Variants in TTC6 observed in about 807,000 individuals in gnomAD.
The protein encoded by TTC6 is tetratricopeptide repeat domain 6, also known as tetratricopeptide repeat protein 6.
Under a neutral mutation model 210.4 loss-of-function variants are expected in TTC6, and 172 were observed. The ratio of observed to expected loss-of-function variants is 0.82; its 90% CI spans 0.72 to 0.93. The LOEUF is 0.93. TTC6 is among the 40% of genes least tolerant of loss of function. The probability of loss-of-function intolerance (pLI) is 0.00; values close to 1 mark genes in which losing one functional copy is unlikely to be tolerated. For missense variants in TTC6, 2,414 were observed against 2,318.1 expected, an observed-to-expected ratio of 1.04 and a Z score of -0.85; for synonymous variants, 804 against 819.6, an observed-to-expected ratio of 0.98 and a Z score of 0.32.
At chr14:37,664,987 G>A (rs1194940240) in intron 1 of TTC6, among the ~76,000 whole-genome samples, 1 of 150,478 alleles carries the variant, frequency 6.6e-6, no homozygotes, top group Non-Finnish European at 1.5e-5. Context: ...TTATTAAAAA[G>A]TCAAAAAACA....
chr14:37,749,367 G>A (rs1404104805), exon 11 of TTC6: 1 of 1,459,252 alleles, frequency 6.9e-7, no homozygotes, highest in Admixed American at 2.7e-5. Flanking sequence ...AGGAAACTGG[G>A]AAAGTTGCAG....
At chr14:37,708,173 T>A (rs997332485) in intron 5 of TTC6, among the ~76,000 whole-genome samples, 1 of 151,964 alleles carries the variant, frequency 6.6e-6, no homozygotes. Flanking sequence ...GATATATATC[T>A]ATATATATAA....
exon 6 of TTC6, chr14:37,714,779 G>A: frequency 2.0e-6 from 3 of 1,535,166 alleles, no homozygotes; most frequent in Non-Finnish European, 2.6e-6. Flanking sequence ...ACCACACTTG[G>A]AAGTCTTGGG....
Position 37,762,516 on chromosome 14 carries a change from G to A in TTC6, c.3266+9281G>A, listed in dbSNP as rs536925761. Reference sequence around the variant, plus strand: ...TTTCATCTTTTGGTAATAGTGTGAAGTGATAGCTCATTGTGGTTTTAATTT... The same window carrying A: ...TTTCATCTTTTGGTAATAGTGTGAAATGATAGCTCATTGTGGTTTTAATTT... On this transcript the variant is annotated intron_variant, in intron 14 of 30. Transcript: ENST00000553443. Among the ~76,000 whole-genome samples, 13 of 152,274 alleles carry A rather than the reference G, an allele frequency of 8.5e-5. No individual in the cohort carries two copies. In the East Asian group the frequency reaches 2.3e-3, roughly 27 times the overall value.
intron 14 of TTC6, among the ~76,000 whole-genome samples, chr14:37,759,813 C>G (rs2095978637): frequency 6.6e-6 from 1 of 152,124 alleles, no homozygotes; most frequent in South Asian, 2.1e-4. Context: ...CTTGTGTATG[C>G]TTCACGAAGT....
At chr14:37,674,908 A>T (rs2095765691) in intron 1 of TTC6, among the ~76,000 whole-genome samples, 1 of 152,132 alleles carries the variant, frequency 6.6e-6, no homozygotes, top group Admixed American at 6.6e-5. Flanking sequence ...GACTATAGAC[A>T]AACAGAAATA....
chr14:37,842,066 A>G, intron 30 of TTC6, 89 bp from the exon 33 acceptor site: 4 of 1,242,040 alleles, frequency 3.2e-6, no homozygotes, highest in Non-Finnish European at 3.2e-6. Context: ...TAATTTTTTT[A>G]AAAGTTCTTA....
At chr14:37,796,658 A>G in intron 19 of TTC6, 129 bp from the exon 22 acceptor site, 2 of 863,032 alleles carry the variant, frequency 2.3e-6, no homozygotes, top group Non-Finnish European at 3.4e-6. Flanking sequence ...ATGATTTGTT[A>G]ATTTTATAAT....
chr14:37,679,942 G>A (rs751428630), intron 1 of TTC6, among the ~76,000 whole-genome samples: 6 of 151,870 alleles, frequency 4.0e-5, no homozygotes, highest in Non-Finnish European at 7.4e-5. Context: ...CACCCATCTC[G>A]GCCTCCCAAA....
intron 14 of TTC6, among the ~76,000 whole-genome samples, chr14:37,777,927 G>C (rs79013727): frequency 6.6e-6 from 1 of 152,028 alleles, no homozygotes; most frequent in Non-Finnish European, 1.5e-5. Context: ...TCTAACTCTG[G>C]GGGAGTGGTA....
chr14:37,721,012 T>A lies in TTC6; in HGVS notation c.1714-3886T>A, dbSNP rs889624129. On this transcript the variant is annotated intron_variant, in intron 6 of 30. Coordinates refer to ENST00000553443, the Ensembl canonical transcript of TTC6. ...AGATGGGATATCTTTGTATTATTTC[T>A]TAAAACTGCCTGTGAATCTACAATT... Among the ~76,000 whole-genome samples, 15 of 152,028 alleles carry A rather than the reference T, an allele frequency of 9.9e-5. No homozygotes were observed. The South Asian group carries it at 1.2e-3, about 13-fold the overall frequency.
At chr14:37,617,055 T>C (rs1335655978) in intron 2 of TTC6, among the ~76,000 whole-genome samples, 1 of 151,942 alleles carries the variant, frequency 6.6e-6, no homozygotes, top group Non-Finnish European at 1.5e-5. Context: ...TTTTTACTTT[T>C]TGTAGAGACA....
At chr14:37,786,001 G>A (rs1325358490) in intron 14 of TTC6, among the ~76,000 whole-genome samples, 1 of 152,132 alleles carries the variant, frequency 6.6e-6, no homozygotes, top group Non-Finnish European at 1.5e-5. Flanking sequence ...TGTCTCAGAG[G>A]GGCACCCGGC....
At chr14:37,736,666 T>C (rs527890805) in intron 8 of TTC6, among the ~76,000 whole-genome samples, 31 of 152,278 alleles carry the variant, frequency 2.0e-4, no homozygotes, top group African/African-American at 7.0e-4. Flanking sequence ...ATCATGACTT[T>C]TGGTATAACT....
At chr14:37,661,295 T>C (rs1173986881) in intron 1 of TTC6, among the ~76,000 whole-genome samples, 1 of 152,222 alleles carries the variant, frequency 6.6e-6, no homozygotes, top group Non-Finnish European at 1.5e-5. Context: ...GCCTAGATTC[T>C]CTTCTAGGAT....
intron 14 of TTC6, among the ~76,000 whole-genome samples, chr14:37,774,716 C>T (rs2096031698): frequency 6.6e-6 from 1 of 152,020 alleles, no homozygotes; most frequent in South Asian, 2.1e-4. Context: ...GTTTGTCTCT[C>T]ACAGGTTTTG....
At chr14:37,622,008 C>A, upstream of TTC6, 1 of 1,249,382 alleles carries the variant, frequency 8.0e-7, no homozygotes, top group South Asian at 1.5e-5. Flanking sequence ...TATGTATATA[C>A]GCACACAACA....
intron 2 of TTC6, among the ~76,000 whole-genome samples, chr14:37,608,138 C>G (rs376006610): frequency 1.2e-4 from 18 of 152,068 alleles, no homozygotes; most frequent in African/African-American, 4.3e-4. Flanking sequence ...AATATTGATC[C>G]CATGTCTGCT....
rs2096092559 is a variant in TTC6 at position 37,796,292 on chromosome 14, A to G, written c.3792-2A>G. On this transcript the variant is annotated splice_acceptor_variant, in intron 18 of 30. Transcript: ENST00000553443. LOFTEE classifies it high-confidence loss of function. ...AGAATCAAAATCGATTATTTCTTCC[A>G]GAGGACAATATCTTCTTATGATGAA... is the stretch of plus-strand genomic sequence containing the variant. The G allele has an allele frequency of 2.4e-6, 3 of 1,235,366 alleles. No homozygotes were observed. The highest frequency in any genetic ancestry group is 3.4e-6 in the Non-Finnish European group (3 of 884,030). The allele number at this position is 1,235,366 out of a possible 1,614,324, so 76.5% of individuals were successfully genotyped here.
Sources: allele counts gnomAD v4.1 joint callset (sites outside exome capture counted in the v4.1 genomes callset), GRCh38; gene constraint gnomAD v4.1.1; transcripts MANE v1.5; gene names NCBI Gene and HGNC (gene_info 2026-07-23, HGNC 2026-07-21).